The following DYRK1A variants were observed in gnomAD, a reference collection of about 807,000 sequenced individuals.
DYRK1A encodes dual specificity tyrosine-phosphorylation-regulated kinase 1A.
In DYRK1A, 9 loss-of-function variants were observed where a neutral mutation model predicts 79.7. The ratio of observed to expected loss-of-function variants is 0.11; its 90% confidence interval spans 0.07 to 0.20. The LOEUF (loss-of-function observed/expected upper bound fraction) is 0.20, where lower values mean the gene tolerates loss of function less well. DYRK1A is among the 10% of genes least tolerant of loss of function. The probability of loss-of-function intolerance (pLI) is 1.00; values close to 1 mark genes in which losing one functional copy is unlikely to be tolerated. For missense variants in DYRK1A, 622 were observed against 956.0 expected, an observed-to-expected ratio of 0.65 and a Z score of 4.61; for synonymous variants, 349 against 329.7, an observed-to-expected ratio of 1.06 and a Z score of -0.63.
At chr21:37,441,831 A>G (rs1420764701) in intron 2 of DYRK1A, among the ~76,000 whole-genome samples, 1 of 152,066 alleles carries the variant, frequency 6.6e-6, no homozygotes, top group Non-Finnish European at 1.5e-5. Flanking sequence ...ATTCCTTTGT[A>G]TAGGTCCATA....
At chr21:37,418,636 AGACT>A (rs1325173533) in intron 1 of DYRK1A, among the ~76,000 whole-genome samples, 1 of 152,210 alleles carries the variant, frequency 6.6e-6, no homozygotes, top group African/African-American at 2.4e-5. Context: ...ATAATTTTAA[AGACT>A]GACCATTTTA....
chr21:37,367,037 G>A lies in DYRK1A; in HGVS notation c.-668G>A. 1.2e-5 allele frequency: 2 copies of A among 162,520 alleles called. No homozygotes were observed. The highest frequency in any genetic ancestry group is 2.7e-5 in the Non-Finnish European group (2 of 74,466). The allele number at this position is 162,520 out of a possible 1,614,324, so 10.1% of individuals were successfully genotyped here. ...TGTTCCTGCTGCTGCTGTTGGTGCC[G>A]CTGCCGCCGCCGGCGAGCAGGCGGG... On this transcript the variant is annotated 5_prime_UTR_variant, in exon 1 of 12. Coordinates refer to ENST00000647188, the MANE Select transcript of DYRK1A (RefSeq NM_001347721.2).
At chr21:37,378,988 A>G (rs79787072) in intron 1 of DYRK1A, among the ~76,000 whole-genome samples, 2,371 of 152,196 alleles carry the variant, frequency 0.016, 63 homozygotes, top group African/African-American at 0.054. Context: ...CATGTGGGCA[A>G]TGGGTGGTGG....
At chr21:37,422,739 A>G (rs1346504825) in intron 2 of DYRK1A, among the ~76,000 whole-genome samples, 1 of 152,150 alleles carries the variant, frequency 6.6e-6, no homozygotes, top group Non-Finnish European at 1.5e-5. Context: ...ATGTGTATCA[A>G]AACATCATGT....
At chr21:37,439,839 C>T (rs1473649148) in intron 2 of DYRK1A, among the ~76,000 whole-genome samples, 1 of 152,076 alleles carries the variant, frequency 6.6e-6, no homozygotes, top group Non-Finnish European at 1.5e-5. Context: ...GTTTTTTCTG[C>T]ATCTCCCGAG....
rs567677121 is a variant in DYRK1A at position 37,456,828 on chromosome 21, CATACCGGA to C, written c.11-15854_11-15847del. ...CATAGGGCTTTTGTGGGTGTAAGGGCATACCGGAACAAGTTGGCATAGAATAAGAGTTC... is the reference window on the plus strand; with the variant it reads ...CATAGGGCTTTTGTGGGTGTAAGGGCACAAGTTGGCATAGAATAAGAGTTC... On this transcript the variant is annotated intron_variant, in intron 2 of 11. Coordinates refer to ENST00000647188, the MANE Select transcript of DYRK1A (RefSeq NM_001347721.2). Among the ~76,000 whole-genome samples the C allele has an allele frequency of 2.6e-5, 4 of 152,206 alleles. No individual in the cohort carries two copies. In the South Asian group the frequency reaches 8.3e-4, roughly 32 times the overall value.
intron 1 of DYRK1A, among the ~76,000 whole-genome samples, chr21:37,386,287 A>G (rs1372238666): frequency 6.6e-6 from 1 of 152,172 alleles, no homozygotes; most frequent in Non-Finnish European, 1.5e-5. Context: ...AATCATCCCA[A>G]AACCATCTCT....
chr21:37,393,233 T>C (rs934257526), intron 1 of DYRK1A, among the ~76,000 whole-genome samples: 4 of 152,162 alleles, frequency 2.6e-5, no homozygotes, highest in African/African-American at 9.7e-5. Context: ...TAAAGAAGTA[T>C]CCATGATGTG....
intron 2 of DYRK1A, among the ~76,000 whole-genome samples, chr21:37,423,356 C>T (rs41324549): frequency 6.6e-6 from 1 of 152,214 alleles, no homozygotes; most frequent in African/African-American, 2.4e-5. Flanking sequence ...TGACACCATT[C>T]TACCCTAACA....
In DYRK1A at chr21:37,514,768, A is replaced by G. The variant is rs908722628; in HGVS notation, c.*2237A>G. The G allele has an allele frequency of 2.3e-4, 35 of 152,662 alleles. 1 individual carries two copies. Among genetic ancestry groups the G allele is most frequent in the Non-Finnish European group, 1.9e-4 (13 of 68,040 alleles). 9.5% of individuals were successfully genotyped at this position (152,662 alleles called of 1,614,324 possible). ...AAAGGATATCATCTTGAGTATAGCA[A>G]TATCAAAAGGAATTCAGTAGTTACT... On this transcript the variant is annotated 3_prime_UTR_variant, in exon 12 of 12. Coordinates refer to ENST00000647188, the MANE Select transcript of DYRK1A (RefSeq NM_001347721.2).
In DYRK1A at chr21:37,513,192, G is replaced by A. The variant is rs1759540039; in HGVS notation, c.*661G>A. 6.5e-6 allele frequency: 1 copy of A among 152,720 alleles called. No homozygotes were observed. Among genetic ancestry groups the A allele is most frequent in the South Asian group, 2.1e-4 (1 of 4,820 alleles). 9.5% of individuals were successfully genotyped at this position (152,720 alleles called of 1,614,324 possible). A position where few individuals can be genotyped will look rare whatever the true frequency, so the allele number is the denominator to read the frequency against. On this transcript the variant is annotated 3_prime_UTR_variant, in exon 12 of 12. Transcript: ENST00000647188. Reference sequence around the variant, plus strand: ...AACTCTCCTATCTGAACCTACTGAGGAGCAAAGCAGCAATTACATGGGATC... The same window carrying A: ...AACTCTCCTATCTGAACCTACTGAGAAGCAAAGCAGCAATTACATGGGATC...
At chr21:37,415,433 C>T (rs540546248) in intron 1 of DYRK1A, 7 of 151,976 alleles carry the variant, frequency 4.6e-5, no homozygotes, top group Non-Finnish European at 7.3e-5. Flanking sequence ...TTGGTTTTTA[C>T]CTTCCTTTCA....
intron 1 of DYRK1A, among the ~76,000 whole-genome samples, chr21:37,371,791 G>C (rs1335337338): frequency 1.3e-5 from 2 of 151,920 alleles, no homozygotes; most frequent in Non-Finnish European, 2.9e-5. Flanking sequence ...TTGATTTTTG[G>C]GGGGGGCCCA....
chr21:37,392,819 A>G (rs1301995643), intron 1 of DYRK1A, among the ~76,000 whole-genome samples: 3 of 152,230 alleles, frequency 2.0e-5, no homozygotes, highest in African/African-American at 7.2e-5. Context: ...TGGGAAGTCC[A>G]AGATAAAAGT....
chr21:37,459,465 G>C (rs140969867), intron 2 of DYRK1A, among the ~76,000 whole-genome samples: 1 of 152,098 alleles, frequency 6.6e-6, no homozygotes, highest in African/African-American at 2.4e-5. Context: ...CTGGATGCCC[G>C]ATGGAGTAAT....
At chr21:37,467,754 A>G (rs1054376950) in intron 2 of DYRK1A, among the ~76,000 whole-genome samples, 3 of 152,192 alleles carry the variant, frequency 2.0e-5, no homozygotes, top group African/African-American at 4.8e-5. Flanking sequence ...ATACTGGAGA[A>G]ATGTTGAAAG....
At chr21:37,507,620 A>G (rs2053635084) in intron 11 of DYRK1A, among the ~76,000 whole-genome samples, 1 of 151,904 alleles carries the variant, frequency 6.6e-6, no homozygotes, top group Admixed American at 6.6e-5. Context: ...ACTCTTTGAA[A>G]CACTCACTGC....
At chr21:37,435,895 T>G (rs573895108) in intron 2 of DYRK1A, among the ~76,000 whole-genome samples, 35 of 152,336 alleles carry the variant, frequency 2.3e-4, no homozygotes, top group African/African-American at 8.4e-4. Flanking sequence ...CTGCTATTAC[T>G]TTTCTAATTG....
intron 10 of DYRK1A, 22 bp from the exon 11 acceptor site, chr21:37,506,077 G>A (rs2053586626): frequency 6.2e-7 from 1 of 1,602,772 alleles, no homozygotes; most frequent in South Asian, 1.1e-5. Context: ...CAGTTGTATT[G>A]TTTTGTGTTG....
Sources: gnomAD v4.1 joint callset for allele counts (sites outside exome capture counted in the v4.1 genomes callset) on GRCh38, gnomAD v4.1.1 for gene constraint, MANE v1.5 for transcripts, NCBI Gene and HGNC (gene_info 2026-07-23, HGNC 2026-07-21) for gene names.